INPP4B: variants seen among roughly 807,000 people sequenced by gnomAD.
The protein encoded by INPP4B is inositol polyphosphate-4-phosphatase type II B.
INPP4B carries 55 observed loss-of-function variants against 122.5 expected under a neutral mutation model. The ratio of observed to expected loss-of-function variants is 0.45; its 90% CI spans 0.36 to 0.56. INPP4B has a LOEUF of 0.56. Ranked by LOEUF, INPP4B falls within the 20% of genes least tolerant of loss-of-function variation. The pLI is 0.00. For missense variants in INPP4B, 1,000 were observed against 1,097.7 expected, an observed-to-expected ratio of 0.91 and a Z score of 1.26; for synonymous variants, 403 against 388.7, an observed-to-expected ratio of 1.04 and a Z score of -0.43.
intron 3 of INPP4B, among the ~76,000 whole-genome samples, chr4:142,455,002 C>T (rs1429715727): frequency 1.3e-5 from 2 of 151,838 alleles, no homozygotes; most frequent in African/African-American, 2.4e-5. Flanking sequence ...CCTTTGTTTT[C>T]TCATGGTTTT....
intron 12 of INPP4B, among the ~76,000 whole-genome samples, chr4:142,230,661 A>G (rs1013567468): frequency 8.6e-5 from 13 of 151,100 alleles, no homozygotes; most frequent in African/African-American, 1.5e-4. Context: ...AAAAAAAAAA[A>G]AAAGAAAAGA....
At chr4:142,524,627 A>C (rs1209241049) in intron 2 of INPP4B, among the ~76,000 whole-genome samples, 1 of 152,200 alleles carries the variant, frequency 6.6e-6, no homozygotes, top group Non-Finnish European at 1.5e-5. Context: ...ACAGAGCCAA[A>C]GACAAAAACC....
chr4:142,369,587 A>AAAAT (rs34391492), intron 7 of INPP4B, among the ~76,000 whole-genome samples: 63,094 of 142,180 alleles, frequency 0.44, 14,817 homozygotes, highest in Non-Finnish European at 0.52. Context: ...GAAAATTAAA[A>AAAAT]AAATAAATAA....
chr4:142,628,137 A>G (rs1367711401), intron 2 of INPP4B, among the ~76,000 whole-genome samples: 2 of 150,852 alleles, frequency 1.3e-5, no homozygotes, highest in African/African-American at 4.9e-5. Context: ...CATTATTCAC[A>G]ATAGCAAAGA....
chr4:142,571,163 C>T (rs1732729833), intron 2 of INPP4B, among the ~76,000 whole-genome samples: 1 of 151,488 alleles, frequency 6.6e-6, no homozygotes. Context: ...GGCCTTGGCA[C>T]CCCCAGAAAA....
chr4:142,452,158 G>A (rs942700388), intron 3 of INPP4B, among the ~76,000 whole-genome samples: 6 of 152,130 alleles, frequency 3.9e-5, no homozygotes, highest in African/African-American at 1.2e-4. Flanking sequence ...GTGGTGTTTG[G>A]TTTTCTGTCC....
intron 1 of INPP4B, among the ~76,000 whole-genome samples, chr4:142,736,659 A>G (rs2150901043): frequency 6.6e-6 from 1 of 152,226 alleles, no homozygotes; most frequent in East Asian, 1.9e-4. Context: ...GTATCCTGAG[A>G]CTTTGCTGAA....
intron 2 of INPP4B, among the ~76,000 whole-genome samples, chr4:142,649,925 A>G (rs1752587602): frequency 6.6e-6 from 1 of 152,204 alleles, no homozygotes; most frequent in Non-Finnish European, 1.5e-5. Context: ...CAGATTCACC[A>G]AGGTTGAAAT....
At chr4:142,436,407 G>A (rs1043540601) in intron 3 of INPP4B, among the ~76,000 whole-genome samples, 27 of 152,296 alleles carry the variant, frequency 1.8e-4, no homozygotes, top group African/African-American at 5.3e-4. Flanking sequence ...ACGGGACAGC[G>A]AAAGTGCTTT....
chr4:142,451,785 C>T (rs964499679), intron 3 of INPP4B, among the ~76,000 whole-genome samples: 1 of 152,116 alleles, frequency 6.6e-6, no homozygotes, highest in East Asian at 1.9e-4. Context: ...AGGCAGAGAC[C>T]TCAGCTGAAC....
chr4:142,260,201 G>A (rs1031564627), intron 11 of INPP4B, among the ~76,000 whole-genome samples: 1 of 152,114 alleles, frequency 6.6e-6, no homozygotes, highest in African/African-American at 2.4e-5. Context: ...AGCCAGGATG[G>A]TCTCAATCTC....
intron 1 of INPP4B, among the ~76,000 whole-genome samples, chr4:142,801,967 T>C (rs976584189): frequency 2.6e-5 from 4 of 152,068 alleles, no homozygotes; most frequent in African/African-American, 9.7e-5. Context: ...GCTGGAGAAA[T>C]TGACCTAGGT....
intron 2 of INPP4B, among the ~76,000 whole-genome samples, chr4:142,698,338 A>C (rs928974019): frequency 1.3e-5 from 2 of 151,816 alleles, no homozygotes; most frequent in Admixed American, 1.3e-4. Context: ...TTAGCACTGA[A>C]AGGGTAGGTC....
chr4:142,778,810 C>T (rs75490540), intron 1 of INPP4B, among the ~76,000 whole-genome samples: 1 of 152,146 alleles, frequency 6.6e-6, no homozygotes, highest in Non-Finnish European at 1.5e-5. Context: ...ATTTCATTTT[C>T]AATATATTCT....
intron 1 of INPP4B, among the ~76,000 whole-genome samples, chr4:142,815,243 G>T (rs1779979269): frequency 6.6e-6 from 1 of 152,086 alleles, no homozygotes; most frequent in Admixed American, 6.6e-5. Context: ...AGAAGCCTCA[G>T]GAGGCATAAC....
In INPP4B at chr4:142,458,250, T is replaced by C. The variant is rs145626162; in HGVS notation, c.-127+4413A>G. ...AATAAAATAGGCAGAATTATAGGTA[T>C]AGAAAAAGTCCAGTAAGTAAGCAGA... On this transcript the variant is annotated intron_variant, in intron 3 of 25. Coordinates refer to ENST00000262992, the MANE Select transcript of INPP4B (RefSeq NM_001101669.3). Among the ~76,000 whole-genome samples the C allele has an allele frequency of 3.3e-5, 5 of 152,222 alleles. No individual in the cohort carries two copies. In the East Asian group the frequency reaches 5.8e-4, roughly 18 times the overall value.
intron 19 of INPP4B, 83 bp downstream of exon 19, chr4:142,124,505 C>G: frequency 1.6e-6 from 2 of 1,248,286 alleles, no homozygotes; most frequent in Non-Finnish European, 2.3e-6. Flanking sequence ...AAAGCTGTCC[C>G]AATAAGAATT....
chr4:142,230,853 GC>G (rs1438193650), intron 12 of INPP4B, among the ~76,000 whole-genome samples: 1 of 151,962 alleles, frequency 6.6e-6, no homozygotes, highest in African/African-American at 2.4e-5. Context: ...AAATTACTAA[GC>G]CCCCATATGA....
chr4:142,141,276 GA>G (rs1214956803), intron 18 of INPP4B, among the ~76,000 whole-genome samples: 1 of 152,156 alleles, frequency 6.6e-6, no homozygotes, highest in African/African-American at 2.4e-5. Flanking sequence ...TAGGCTAGTT[GA>G]AAACCGGCAG....
Sources: gnomAD v4.1 joint callset for allele counts (sites outside exome capture counted in the v4.1 genomes callset) on GRCh38, gnomAD v4.1.1 for gene constraint, MANE v1.5 for transcripts, NCBI Gene and HGNC (gene_info 2026-07-23, HGNC 2026-07-21) for gene names.